Variants in CEP135 observed in about 807,000 individuals in gnomAD.
CEP135 encodes centrosomal protein 135.
CEP135 carries 142 observed loss-of-function variants against 157.3 expected under a neutral mutation model. The observed-to-expected ratio is 0.90, with a 90% confidence interval of 0.79 to 1.04. The LOEUF is 1.04. Among genes scored for constraint, CEP135 ranks in the 50% least tolerant of loss-of-function variants. CEP135 has a pLI of 0.00. For synonymous variants in CEP135, 396 were observed against 439.8 expected, an observed-to-expected ratio of 0.90 and a Z score of 1.25; for missense variants, 1,317 against 1,309.2, an observed-to-expected ratio of 1.01 and a Z score of -0.09.
chr4:55,991,872 C>T, intron 14 of CEP135, 62 bp from the exon 15 acceptor site: 2 of 833,424 alleles, frequency 2.4e-6, no homozygotes, highest in Admixed American at 3.9e-5. Context: ...TAAAGAGTGC[C>T]TAAGAAAAAT....
In CEP135 at chr4:56,015,611, T is replaced by C. The variant is rs200172009; in HGVS notation, c.2803-2037T>C. Among the ~76,000 whole-genome samples the C allele has an allele frequency of 1.2e-4, 18 of 152,370 alleles. No individual in the cohort carries two copies. In the East Asian group the frequency reaches 3.5e-3, roughly 29 times the overall value. On this transcript the variant is annotated intron_variant, in intron 21 of 25. Transcript: ENST00000257287. ...CAGCCTGCTTGGTTGCAGACTTACTTTGGACTAGTAACTCCTTTATTCCTT... is the reference window on the plus strand; with the variant it reads ...CAGCCTGCTTGGTTGCAGACTTACTCTGGACTAGTAACTCCTTTATTCCTT...
At chr4:56,026,514 G>A (rs1731164515) in intron 25 of CEP135, among the ~76,000 whole-genome samples, 2 of 152,182 alleles carry the variant, frequency 1.3e-5, no homozygotes, top group Non-Finnish European at 2.9e-5. Context: ...TGTACTTGTA[G>A]ATTGTTCACT....
chr4:55,982,083 A>G (rs1187179082), intron 13 of CEP135, among the ~76,000 whole-genome samples: 1 of 152,124 alleles, frequency 6.6e-6, no homozygotes, highest in South Asian at 2.1e-4. Flanking sequence ...CCACAAAAAG[A>G]AACTCTGAAG....
chr4:56,016,230 A>C (rs1280749217), intron 21 of CEP135, among the ~76,000 whole-genome samples: 2 of 152,164 alleles, frequency 1.3e-5, no homozygotes, highest in Non-Finnish European at 2.9e-5. Context: ...GAAGCTCTGG[A>C]AGAACCAGCC....
intron 7 of CEP135, chr4:55,964,880 C>A (rs1406021276): frequency 6.6e-6 from 1 of 151,472 alleles, no homozygotes; most frequent in South Asian, 2.1e-4. Flanking sequence ...AAATACCTAG[C>A]TTTTATCTAC....
At chr4:56,012,149 G>T (rs945874376) in intron 21 of CEP135, among the ~76,000 whole-genome samples, 164 bp downstream of exon 21, 1 of 152,100 alleles carries the variant, frequency 6.6e-6, no homozygotes, top group African/African-American at 2.4e-5. Flanking sequence ...CCACCTCCTG[G>T]GTTCAAGCGA....
At chr4:56,013,215 C>T (rs889410463) in intron 21 of CEP135, among the ~76,000 whole-genome samples, 1 of 151,966 alleles carries the variant, frequency 6.6e-6, no homozygotes, top group African/African-American at 2.4e-5. Flanking sequence ...TATTCAAATC[C>T]TTTGTTCATT....
intron 10 of CEP135, among the ~76,000 whole-genome samples, chr4:55,972,292 G>A (rs73820221): frequency 0.021 from 3,194 of 152,286 alleles, 116 homozygotes; most frequent in African/African-American, 0.073. Flanking sequence ...CTCTTGCAGA[G>A]CCTTTTTTCT....
At chr4:56,009,363 C>T (rs1476945884) in intron 18 of CEP135, among the ~76,000 whole-genome samples, 7 of 151,956 alleles carry the variant, frequency 4.6e-5, no homozygotes, top group Admixed American at 2.0e-4. Flanking sequence ...GGGGTTTCAC[C>T]GTGTTAGCCA....
rs894553786 is a variant in CEP135 at position 55,999,404 on chromosome 4, G to A, written c.2112G>A (p.Leu704=). 6 of 1,613,724 alleles carry A rather than the reference G, an allele frequency of 3.7e-6. No individual in the cohort carries two copies. The highest frequency in any genetic ancestry group is 1.3e-5 in the African/African-American group (1 of 74,900). ...LESAQAQIKI[L]EEKIDELNLK... ...CAGCCCAAGCACAAATTAAAATACTGGAGGAAAAGATAGGTAAATGTTTTA... is the reference window on the plus strand; with the variant it reads ...CAGCCCAAGCACAAATTAAAATACTAGAGGAAAAGATAGGTAAATGTTTTA... The change falls in exon 16 of 26, where the codon CTG becomes CTA. Residue 704 remains leucine, a synonymous_variant. Coordinates refer to ENST00000257287, the MANE Select transcript of CEP135 (RefSeq NM_025009.5).
intron 24 of CEP135, among the ~76,000 whole-genome samples, chr4:56,023,069 A>AG (rs1299245146): frequency 1.3e-5 from 2 of 151,902 alleles, no homozygotes; most frequent in Non-Finnish European, 2.9e-5. Flanking sequence ...CCTATCTCTA[A>AG]AAACATTTTA....
intron 21 of CEP135, among the ~76,000 whole-genome samples, chr4:56,013,016 T>A (rs1215075778): frequency 2.6e-5 from 4 of 152,234 alleles, no homozygotes; most frequent in African/African-American, 9.6e-5. Flanking sequence ...CTACCAGCAA[T>A]GCACGAGGGT....
intron 8 of CEP135, among the ~76,000 whole-genome samples, chr4:55,966,849 T>G (rs1728859671): frequency 6.6e-6 from 1 of 152,180 alleles, no homozygotes; most frequent in African/African-American, 2.4e-5. Flanking sequence ...AGTTGGTAAT[T>G]ATAATAACAT....
intron 17 of CEP135, among the ~76,000 whole-genome samples, chr4:56,007,862 G>A (rs1406767267): frequency 6.6e-6 from 1 of 152,170 alleles, no homozygotes; most frequent in African/African-American, 2.4e-5. Flanking sequence ...TCCTGGGATA[G>A]TGCTGATGAT....
At chr4:55,993,970 A>G (rs1373173111) in intron 15 of CEP135, among the ~76,000 whole-genome samples, 1 of 152,120 alleles carries the variant, frequency 6.6e-6, no homozygotes, top group African/African-American at 2.4e-5. Flanking sequence ...GCATTATTTT[A>G]TAACTTTATT....
intron 14 of CEP135, among the ~76,000 whole-genome samples, chr4:55,990,701 C>G (rs1729759208): frequency 6.6e-6 from 1 of 152,150 alleles, no homozygotes; most frequent in East Asian, 1.9e-4. Flanking sequence ...CAGGGTCTCA[C>G]TGTGTTTCCC....
intron 11 of CEP135, among the ~76,000 whole-genome samples, chr4:55,977,500 A>G (rs1162587233): frequency 6.6e-6 from 1 of 152,188 alleles, no homozygotes; most frequent in Non-Finnish European, 1.5e-5. Context: ...AGAGTGGGGA[A>G]AGTGACTACA....
At chr4:55,972,214 G>GGT (rs1441610968) in intron 10 of CEP135, among the ~76,000 whole-genome samples, 1 of 152,120 alleles carries the variant, frequency 6.6e-6, no homozygotes, top group African/African-American at 2.4e-5. Context: ...CTCCTGTGTG[G>GGT]GTGTGTGCCA....
chr4:55,994,932 C>T (rs963108870), intron 15 of CEP135, among the ~76,000 whole-genome samples: 2 of 152,084 alleles, frequency 1.3e-5, no homozygotes, highest in African/African-American at 2.4e-5. Context: ...GTGATCCATC[C>T]GCCTGGGCCT....
Sources: allele counts gnomAD v4.1 joint callset (sites outside exome capture counted in the v4.1 genomes callset), GRCh38; gene constraint gnomAD v4.1.1; transcripts MANE v1.5; gene names NCBI Gene and HGNC (gene_info 2026-07-23, HGNC 2026-07-21).